SOD2: variants seen among roughly 807,000 people sequenced by gnomAD.
The protein encoded by SOD2 is superoxide dismutase [Mn], mitochondrial.
Under a neutral mutation model 27.0 loss-of-function variants are expected in SOD2, and 11 were observed. That is an observed-to-expected ratio of 0.41 (90% CI 0.26 to 0.67). The LOEUF is 0.67. Ranked by LOEUF, SOD2 falls within the 30% of genes least tolerant of loss-of-function variation. The probability of loss-of-function intolerance (pLI) is 0.34; values close to 1 mark genes in which losing one functional copy is unlikely to be tolerated. For synonymous variants in SOD2, 105 were observed against 103.0 expected (o/e 1.02, Z -0.12); for missense variants, 250 against 274.5 (o/e 0.91, Z 0.63).
intron 3 of SOD2, among the ~76,000 whole-genome samples, chr6:159,685,495 G>A (rs1583008471): frequency 6.6e-6 from 1 of 152,026 alleles, no homozygotes; most frequent in South Asian, 2.1e-4. Flanking sequence ...ACCCGCCTTG[G>A]CCTCCCAAAG....
At chr6:159,707,589 G>C (rs567248444) in intron 1 of SOD2, among the ~76,000 whole-genome samples, 2 of 152,240 alleles carry the variant, frequency 1.3e-5, no homozygotes, top group African/African-American at 4.8e-5. Flanking sequence ...TCTCTGAATA[G>C]ACCAATAACA....
chr6:159,736,829 C>T (rs1379309015), intron 1 of SOD2: 9 of 152,268 alleles, frequency 5.9e-5, no homozygotes, highest in Admixed American at 5.9e-4. Context: ...CTTACATACA[C>T]ACACATACAC....
At chr6:159,756,597 T>G (rs1406205007) in intron 1 of SOD2, among the ~76,000 whole-genome samples, 1 of 139,904 alleles carries the variant, frequency 7.1e-6, no homozygotes, top group African/African-American at 2.9e-5. Context: ...TCTTAGGCTT[T>G]TTTTTTTTTT....
rs1777826411 is a variant in SOD2 at position 159,712,404 on chromosome 6, TGCTCTG to T, written c.-116+14719_-116+14724del. Among the ~76,000 whole-genome samples the T allele has an allele frequency of 1.2e-4, 12 of 99,000 alleles. 1 individual carries two copies. The highest frequency in any genetic ancestry group is 5.5e-4 in the East Asian group (2 of 3,652). 64.9% of individuals were successfully genotyped at this position (99,000 alleles called of 152,430 possible). A position where few individuals can be genotyped will look rare whatever the true frequency, so the allele number is the denominator to read the frequency against. On this transcript the variant is annotated intron_variant, in intron 1 of 2. Coordinates refer to the SOD2 transcript ENST00000401980. The stretch of plus-strand genomic sequence containing the variant: ...CCACCTCCATAACCACCACTCACAC[TGCTCTG>T]ATCACCATAACCACCTCCATAACCA...
At chr6:159,719,625 C>CA (rs1159589385) in intron 1 of SOD2, among the ~76,000 whole-genome samples, 8,158 of 63,496 alleles carry the variant, frequency 0.13, 266 homozygotes, top group Middle Eastern at 0.15. Context: ...CACCCTTTCT[C>CA]AAAAAAAAAA....
chr6:159,734,939 GAAT>G (rs1247389168), intron 1 of SOD2, among the ~76,000 whole-genome samples: 24 of 151,880 alleles, frequency 1.6e-4, no homozygotes, highest in Non-Finnish European at 3.2e-4. Context: ...GTAGTTTAAT[GAAT>G]AATACCTGCT....
intron 1 of SOD2, among the ~76,000 whole-genome samples, chr6:159,708,484 C>G (rs939580168): frequency 6.6e-6 from 1 of 152,106 alleles, no homozygotes; most frequent in Admixed American, 6.6e-5. Context: ...AACAGACAAA[C>G]GGAGAACAAA....
At chr6:159,694,626 C>T (rs1777382688), upstream of SOD2, among the ~76,000 whole-genome samples, 1 of 152,066 alleles carries the variant, frequency 6.6e-6, no homozygotes, top group African/African-American at 2.4e-5. Flanking sequence ...GACACAGCCT[C>T]GCTCTGTCGC....
intron 1 of SOD2, among the ~76,000 whole-genome samples, chr6:159,702,654 CAAAA>C (rs750073120): frequency 6.3e-3 from 251 of 39,834 alleles, no homozygotes; most frequent in Non-Finnish European, 9.8e-3. Context: ...TCTATCTCTC[CAAAA>C]AAAAAAAAAA....
chr6:159,688,581 G>A (rs978242313), intron 2 of SOD2, among the ~76,000 whole-genome samples: 11 of 152,172 alleles, frequency 7.2e-5, no homozygotes, highest in Non-Finnish European at 1.3e-4. Context: ...CATACAGACT[G>A]TACAGAAAAC....
At chr6:159,704,270 CAGTG>C (rs1396663642) in intron 1 of SOD2, among the ~76,000 whole-genome samples, 2 of 152,154 alleles carry the variant, frequency 1.3e-5, no homozygotes, top group Non-Finnish European at 2.9e-5. Context: ...GCTTGTCAGA[CAGTG>C]GGTGGAGGAC....
At chr6:159,744,622 C>T (rs6908466) in intron 1 of SOD2, among the ~76,000 whole-genome samples, 6,544 of 152,298 alleles carry the variant, frequency 0.043, 230 homozygotes, top group African/African-American at 0.082. Flanking sequence ...CACAAAAGCA[C>T]GTATTTACTC....
At chr6:159,719,971 G>A (rs890754769) in intron 1 of SOD2, among the ~76,000 whole-genome samples, 1 of 150,666 alleles carries the variant, frequency 6.6e-6, no homozygotes, top group Non-Finnish European at 1.5e-5. Flanking sequence ...TGATCTGCCT[G>A]CCTCGGTCTC....
At chr6:159,731,332 G>A (rs1438967783), upstream of SOD2, among the ~76,000 whole-genome samples, 2 of 151,918 alleles carry the variant, frequency 1.3e-5, no homozygotes, top group Non-Finnish European at 2.9e-5. Context: ...GCTGGGCGTG[G>A]TGGTTCATGC....
chr6:159,752,118 A>G lies in SOD2; in HGVS notation c.-335-3442T>C, dbSNP rs576968608. On this transcript the variant is annotated intron_variant, in intron 1 of 7. Coordinates refer to the SOD2 transcript ENST00000546087. ...GAACCATGCAACACTTCAAAGATTG[A>G]TAAAATATTTACAAAATGCTCTCAT... 4.6e-5 allele frequency among the ~76,000 whole-genome samples: 7 copies of G among 152,256 alleles called. No homozygotes were observed. The South Asian group carries it at 1.5e-3, about 32-fold the overall frequency.
chr6:159,725,785 TTAAG>T (rs1296749205), intron 1 of SOD2: 17 of 151,904 alleles, frequency 1.1e-4, no homozygotes, highest in African/African-American at 4.1e-4. Flanking sequence ...TTTTATGTAT[TTAAG>T]TAAATACATA....
At chr6:159,713,348 A>T in intron 1 of SOD2, 1 of 654,668 alleles carries the variant, frequency 1.5e-6, no homozygotes, top group Middle Eastern at 2.7e-4. Context: ...ATTACACCTC[A>T]GCCAGCCCCT....
chr6:159,684,335 T>C (rs1428219300), intron 4 of SOD2, among the ~76,000 whole-genome samples: 1 of 152,144 alleles, frequency 6.6e-6, no homozygotes, highest in Non-Finnish European at 1.5e-5. Context: ...GTAAAACATT[T>C]GGCTGGGCAT....
chr6:159,761,897 CGCCTCCG>C, exon 1 of SOD2: 1 of 381,388 alleles, frequency 2.6e-6, no homozygotes, highest in African/African-American at 2.2e-5. Context: ...GCGCCCCGCG[CGCCTCCG>C]CCCGCCCCTG....
Sources: allele counts gnomAD v4.1 joint callset (sites outside exome capture counted in the v4.1 genomes callset), GRCh38; gene constraint gnomAD v4.1.1; transcripts MANE v1.5; gene names NCBI Gene and HGNC (gene_info 2026-07-23, HGNC 2026-07-21).